Variants in ROBO2 observed in about 807,000 individuals in gnomAD.
The protein encoded by ROBO2 is roundabout homolog 2.
ROBO2 carries 53 observed loss-of-function variants against 160.8 expected under a neutral mutation model. That is an observed-to-expected ratio of 0.33 (90% CI 0.26 to 0.41). ROBO2 has a LOEUF of 0.41. ROBO2 is among the 10% of genes least tolerant of loss of function. The pLI, the probability that ROBO2 is intolerant of heterozygous loss-of-function variation, is 1.00. For synonymous variants in ROBO2, 664 were observed against 611.7 expected (o/e 1.09, Z -1.26); for missense variants, 1,577 against 1,722.4 (o/e 0.92, Z 1.49).
In ROBO2 at chr3:76,013,282, G is replaced by C. The variant is rs535315530; in HGVS notation, c.109+75680G>C. 2.1e-5 allele frequency among the ~76,000 whole-genome samples: 3 copies of C among 144,092 alleles called. No individual in the cohort carries two copies. The South Asian group carries it at 6.8e-4, about 33-fold the overall frequency. The allele number at this position is 144,092 out of a possible 152,430, so 94.5% of individuals were successfully genotyped here. A position where few individuals can be genotyped will look rare whatever the true frequency, so the allele number is the denominator to read the frequency against. ...ATAAAGGCAATTGGAGGCTGGGCAC[G>C]GTGGCTTATGCGTGTAATCCCAGAG... On this transcript the variant is annotated intron_variant, in intron 2 of 26. Coordinates refer to the ROBO2 transcript ENST00000487694.
At chr3:75,993,820 G>C (rs1247235690) in intron 2 of ROBO2, among the ~76,000 whole-genome samples, 1 of 152,082 alleles carries the variant, frequency 6.6e-6, no homozygotes, top group Non-Finnish European at 1.5e-5. Context: ...GGCTTCCAGA[G>C]GCCTGTTGAT....
At chr3:75,977,927 A>G (rs1240964589) in intron 2 of ROBO2, among the ~76,000 whole-genome samples, 1 of 151,546 alleles carries the variant, frequency 6.6e-6, no homozygotes, top group Non-Finnish European at 1.5e-5. Flanking sequence ...GAACTTTTCA[A>G]TTTAGAGACA....
intron 2 of ROBO2, among the ~76,000 whole-genome samples, chr3:76,071,839 C>T (rs1189679273): frequency 6.6e-6 from 1 of 151,896 alleles, no homozygotes; most frequent in Non-Finnish European, 1.5e-5. Flanking sequence ...AGAATGGAAA[C>T]AAATGTAGAT....
intron 2 of ROBO2, among the ~76,000 whole-genome samples, chr3:77,331,957 C>T (rs1018040046): frequency 2.5e-4 from 38 of 152,156 alleles, no homozygotes; most frequent in African/African-American, 1.2e-4. Flanking sequence ...CCACCTGCCT[C>T]GGCCTCCCAA....
chr3:77,506,837 G>A (rs1582553726), intron 5 of ROBO2, among the ~76,000 whole-genome samples: 1 of 152,034 alleles, frequency 6.6e-6, no homozygotes, highest in East Asian at 1.9e-4. Context: ...AATACACTTC[G>A]AAGATAATAA....
chr3:76,543,956 C>A (rs2082952056), intron 2 of ROBO2, among the ~76,000 whole-genome samples: 1 of 151,982 alleles, frequency 6.6e-6, no homozygotes, highest in Admixed American at 6.6e-5. Context: ...TAGAATAATC[C>A]TTGGTGAAAA....
At chr3:75,941,631 G>A (rs1948059079) in intron 2 of ROBO2, among the ~76,000 whole-genome samples, 1 of 152,080 alleles carries the variant, frequency 6.6e-6, no homozygotes, top group African/African-American at 2.4e-5. Context: ...AAATTTTGAG[G>A]ACAATTTAAT....
At chr3:77,465,854 C>G (rs1246201310) in intron 2 of ROBO2, among the ~76,000 whole-genome samples, 1 of 152,140 alleles carries the variant, frequency 6.6e-6, no homozygotes, top group Non-Finnish European at 1.5e-5. Context: ...ACATTGTTCT[C>G]CAATCACTGT....
At chr3:76,580,710 C>A (rs2085649551) in intron 2 of ROBO2, among the ~76,000 whole-genome samples, 1 of 151,894 alleles carries the variant, frequency 6.6e-6, no homozygotes, top group South Asian at 2.1e-4. Flanking sequence ...CGTTTTAAAC[C>A]TAGGTCCAGT....
chr3:76,222,193 T>C (rs1704009588), intron 2 of ROBO2, among the ~76,000 whole-genome samples: 1 of 152,162 alleles, frequency 6.6e-6, no homozygotes, highest in African/African-American at 2.4e-5. Context: ...CAAAACACGT[T>C]ACCAGTGGCA....
chr3:77,025,527 A>G (rs2149525468), intron 2 of ROBO2, among the ~76,000 whole-genome samples: 1 of 152,348 alleles, frequency 6.6e-6, no homozygotes, highest in East Asian at 1.9e-4. Context: ...GAATAGACAA[A>G]TTGCTCCCAA....
intron 2 of ROBO2, among the ~76,000 whole-genome samples, chr3:76,025,097 A>T (rs2066698467): frequency 6.6e-6 from 1 of 151,558 alleles, no homozygotes; most frequent in African/African-American, 2.4e-5. Flanking sequence ...GAAAAAAATA[A>T]TAAAATACTA....
chr3:76,161,797 C>A (rs763732455), intron 2 of ROBO2, among the ~76,000 whole-genome samples: 2 of 152,146 alleles, frequency 1.3e-5, no homozygotes, highest in Non-Finnish European at 2.9e-5. Context: ...CTTTTACCTG[C>A]CTCTGTCTCT....
At chr3:76,186,079 T>G (rs977056607) in intron 2 of ROBO2, among the ~76,000 whole-genome samples, 1 of 151,538 alleles carries the variant, frequency 6.6e-6, no homozygotes, top group Non-Finnish European at 1.5e-5. Context: ...ACTACAAACA[T>G]GCACCACCAC....
chr3:76,375,361 G>A (rs760961097), intron 2 of ROBO2, among the ~76,000 whole-genome samples: 17 of 152,068 alleles, frequency 1.1e-4, no homozygotes, highest in East Asian at 3.9e-4. Flanking sequence ...GGCAAACTTC[G>A]TATCACACTG....
At chr3:75,961,232 G>A (rs1299730111) in intron 2 of ROBO2, among the ~76,000 whole-genome samples, 1 of 151,326 alleles carries the variant, frequency 6.6e-6, no homozygotes. Context: ...TTCAAATGTA[G>A]TTTTTCATTA....
intron 2 of ROBO2, among the ~76,000 whole-genome samples, chr3:76,921,338 G>A (rs377126433): frequency 2.0e-5 from 3 of 152,196 alleles, no homozygotes; most frequent in African/African-American, 4.8e-5. Context: ...TTGGCCAGGC[G>A]GGATGGTTCA....
At chr3:77,166,657 C>A (rs2079111382) in intron 2 of ROBO2, among the ~76,000 whole-genome samples, 1 of 152,148 alleles carries the variant, frequency 6.6e-6, no homozygotes, top group Non-Finnish European at 1.5e-5. Context: ...CTCCCGGGTT[C>A]CCGCCATTCT....
intron 2 of ROBO2, among the ~76,000 whole-genome samples, chr3:76,250,241 C>T (rs1450317851): frequency 1.3e-5 from 2 of 151,984 alleles, no homozygotes; most frequent in Non-Finnish European, 2.9e-5. Flanking sequence ...AAGTCTATAA[C>T]CCAGAATATT....
Sources: allele counts gnomAD v4.1 joint callset (sites outside exome capture counted in the v4.1 genomes callset), GRCh38; gene constraint gnomAD v4.1.1; transcripts MANE v1.5; gene names NCBI Gene and HGNC (gene_info 2026-07-23, HGNC 2026-07-21).